The following GRAMD4 variants were observed in gnomAD, a reference collection of about 807,000 sequenced individuals.
GRAMD4 encodes GRAM domain containing 4.
GRAMD4 carries 25 observed loss-of-function variants against 83.9 expected under a neutral mutation model. The observed-to-expected ratio is 0.30, with a 90% CI of 0.22 to 0.42. GRAMD4 has a LOEUF of 0.42. GRAMD4 is among the 10% of genes least tolerant of loss of function. GRAMD4 has a pLI of 1.00. For missense variants in GRAMD4, 593 were observed against 788.7 expected (o/e 0.75, Z 2.97); for synonymous variants, 336 against 320.9 (o/e 1.05, Z -0.50).
Position 46,675,564 on chromosome 22 carries a change from TACCC to T in GRAMD4, c.1563+17_1563+20del. 1 of 1,541,292 alleles carries T rather than the reference TACCC, an allele frequency of 6.5e-7. No homozygotes were observed. Among genetic ancestry groups the T allele is most frequent in the Non-Finnish European group, 9.0e-7 (1 of 1,113,842 alleles). On this transcript the variant is annotated intron_variant, in intron 17 of 18. Transcript: ENST00000406902. ...CGGACATCCAGAAGGTTGGTGCACCTACCCACCCCCACTAACCCCCGTGTTTTCT... is the reference window on the plus strand; with the variant it reads ...CGGACATCCAGAAGGTTGGTGCACCTACCCCCACTAACCCCCGTGTTTTCT...
At chr22:46,606,766 C>T (rs1015325340) in intron 1 of GRAMD4, among the ~76,000 whole-genome samples, 1 of 152,260 alleles carries the variant, frequency 6.6e-6, no homozygotes, top group African/African-American at 2.4e-5. Flanking sequence ...ACTTATTGGC[C>T]GATTGGACGG....
At chr22:46,665,241 A>G (rs1289162257) in intron 8 of GRAMD4, among the ~76,000 whole-genome samples, 2 of 152,220 alleles carry the variant, frequency 1.3e-5, no homozygotes, top group Non-Finnish European at 2.9e-5. Flanking sequence ...GGCCCCGGGC[A>G]TGCACCTGGC....
intron 14 of GRAMD4, among the ~76,000 whole-genome samples, chr22:46,673,203 C>T (rs1324636572): frequency 1.3e-5 from 2 of 152,184 alleles, no homozygotes; most frequent in East Asian, 1.9e-4. Context: ...CCCAGGGCAA[C>T]ACCTGGGGAC....
At chr22:46,577,254 G>A (rs1290348442) in exon 1 of GRAMD4, 1 of 978,264 alleles carries the variant, frequency 1.0e-6, no homozygotes, top group Non-Finnish European at 1.2e-6. Context: ...GGGCGCCGCG[G>A]CGGGTGGATG....
rs371300070 is a variant in GRAMD4 at position 46,630,223 on chromosome 22, G to A, written c.162+3262G>A. Among the ~76,000 whole-genome samples, 7 of 152,022 alleles carry A rather than the reference G, an allele frequency of 4.6e-5. 1 individual carries two copies. The East Asian group carries it at 1.4e-3, about 29-fold the overall frequency. ...GTATTTTTATTAGAGACGGGGTTTC[G>A]CCGTGTTGCCCAGGCTGTTCTCGAA... On this transcript the variant is annotated intron_variant, in intron 2 of 18. Coordinates refer to ENST00000406902, the MANE Select transcript of GRAMD4 (RefSeq NM_015124.5).
chr22:46,579,747 G>C (rs12484675), intron 1 of GRAMD4, among the ~76,000 whole-genome samples: 37,725 of 152,062 alleles, frequency 0.25, 5,607 homozygotes, highest in East Asian at 0.66. Context: ...GAATCTACTG[G>C]GGTTTATTTG....
chr22:46,614,138 C>T (rs567040437), intron 1 of GRAMD4, among the ~76,000 whole-genome samples: 19 of 152,342 alleles, frequency 1.2e-4, no homozygotes, highest in African/African-American at 4.1e-4. Flanking sequence ...ATTGAATACT[C>T]GAACCCCATC....
upstream of GRAMD4, among the ~76,000 whole-genome samples, chr22:46,576,977 C>G (rs1390312175): frequency 2.8e-5 from 4 of 144,948 alleles, no homozygotes; most frequent in African/African-American, 9.9e-5. Context: ...CCCGCGGACC[C>G]CCGAGCCGGC....
rs1427270278 is a variant in GRAMD4, at chr22:46,672,491, G to A, written c.1085-352G>A. ...ATTGGGGCAGAGGAGGCACAGTCCT[G>A]AAGTGTTTCAGGTGGGTCAAGAACA... is the stretch of plus-strand genomic sequence containing the variant. On this transcript the variant is annotated intron_variant, in intron 13 of 18. Coordinates refer to ENST00000406902, the MANE Select transcript of GRAMD4 (RefSeq NM_015124.5). The surrounding 1 kb of genome is among the most constrained non-coding windows in gnomAD (Gnocchi z 4.7). Among the ~76,000 whole-genome samples the A allele has an allele frequency of 6.6e-6, 1 of 151,908 alleles. No homozygotes were observed. The highest frequency in any genetic ancestry group is 1.5e-5 in the Non-Finnish European group (1 of 67,970).
At chr22:46,658,584 G>A (rs951375634) in intron 4 of GRAMD4, among the ~76,000 whole-genome samples, 1 of 152,086 alleles carries the variant, frequency 6.6e-6, no homozygotes, top group Non-Finnish European at 1.5e-5. Flanking sequence ...CAGGCCTGGG[G>A]CCAGGCCAAC....
rs774477086 is a variant in GRAMD4, at chr22:46,677,491, C to G, written c.*240C>G. ...ACGTCAGGTGCCTCTGAGGGCCACC[C>G]GCAGACTGGGGGAGGGGGCAGAGGC... is the stretch of plus-strand genomic sequence containing the variant. On this transcript the variant is annotated 3_prime_UTR_variant, in exon 19 of 19. Transcript: ENST00000406902. 1 of 1,281,374 alleles carries G rather than the reference C, an allele frequency of 7.8e-7. No individual in the cohort carries two copies. The highest frequency in any genetic ancestry group is 9.9e-7 in the Non-Finnish European group (1 of 1,010,408). 79.4% of individuals were successfully genotyped at this position (1,281,374 alleles called of 1,614,324 possible). A position where few individuals can be genotyped will look rare whatever the true frequency, so the allele number is the denominator to read the frequency against.
intron 3 of GRAMD4, among the ~76,000 whole-genome samples, chr22:46,655,100 A>G (rs1471514390): frequency 6.6e-6 from 1 of 152,198 alleles, no homozygotes; most frequent in Non-Finnish European, 1.5e-5. Context: ...GGAGGGTGGA[A>G]GAGAAGCTTC....
Position 46,665,718 on chromosome 22 carries a change from G to T in GRAMD4, c.809+12G>T. 6.3e-6 allele frequency: 9 copies of T among 1,437,478 alleles called. No individual in the cohort carries two copies. Among genetic ancestry groups the T allele is most frequent in the Non-Finnish European group, 8.8e-6 (9 of 1,019,820 alleles). 89.0% of individuals were successfully genotyped at this position (1,437,478 alleles called of 1,614,324 possible). A position where few individuals can be genotyped will look rare whatever the true frequency, so the allele number is the denominator to read the frequency against. ...TACCTCATCGCCAGGTAGGTGAGCC[G>T]GTTTGTTGCAGCTGCTTTATCCCAC... On this transcript the variant is annotated intron_variant, in intron 9 of 18. Coordinates refer to ENST00000406902, the MANE Select transcript of GRAMD4 (RefSeq NM_015124.5).
In GRAMD4 at chr22:46,665,732, GCTT is replaced by G; in HGVS notation, c.809+27_809+29del. On this transcript the variant is annotated intron_variant, in intron 9 of 18. Coordinates refer to ENST00000406902, the MANE Select transcript of GRAMD4 (RefSeq NM_015124.5). Reference sequence around the variant, plus strand: ...GTAGGTGAGCCGGTTTGTTGCAGCTGCTTTATCCCACCGCATGTATGGCTGTGC... The same window carrying G: ...GTAGGTGAGCCGGTTTGTTGCAGCTGTATCCCACCGCATGTATGGCTGTGC... 2.5e-6 allele frequency: 3 copies of G among 1,210,580 alleles called. No homozygotes were observed. In the East Asian group the frequency reaches 7.0e-5, roughly 28 times the overall value. The allele number at this position is 1,210,580 out of a possible 1,614,324, so 75.0% of individuals were successfully genotyped here.
Position 46,664,219 on chromosome 22 carries a change from T to TGGCA in GRAMD4, c.717+103_717+106dup. ...CCCAGGGTGGGAGGTGGCCCCCAGGTGGCACTTCCTCAGGCCCCAGGGACA... is the reference window on the plus strand; with the variant it reads ...CCCAGGGTGGGAGGTGGCCCCCAGGTGGCAGGCACTTCCTCAGGCCCCAGGGACA... On this transcript the variant is annotated intron_variant, in intron 8 of 18. Transcript: ENST00000406902. 3.6e-6 allele frequency: 3 copies of TGGCA among 826,542 alleles called. No homozygotes were observed. The South Asian group carries it at 4.1e-5, about 11-fold the overall frequency. 51.2% of individuals were successfully genotyped at this position (826,542 alleles called of 1,614,324 possible).
chr22:46,674,812 C>T (rs1211853871), intron 16 of GRAMD4, 62 bp downstream of exon 16: 10 of 1,206,076 alleles, frequency 8.3e-6, no homozygotes, highest in Non-Finnish European at 1.2e-5. Context: ...GCTGCCTAGG[C>T]CCTGGGATGG....
intron 1 of GRAMD4, among the ~76,000 whole-genome samples, chr22:46,611,277 A>T (rs1465481041): frequency 5.3e-5 from 8 of 151,956 alleles, no homozygotes; most frequent in African/African-American, 1.9e-4. Context: ...CAGGGTCCCC[A>T]TTCAGGCTTC....
At chr22:46,626,495 A>G (rs1483022547) in intron 1 of GRAMD4, among the ~76,000 whole-genome samples, 1 of 152,164 alleles carries the variant, frequency 6.6e-6, no homozygotes, top group African/African-American at 2.4e-5. Flanking sequence ...TGGGGTGGCC[A>G]AGGGCCCCAC....
In GRAMD4 at chr22:46,664,073, T is replaced by G; in HGVS notation, c.673T>G (p.Leu225Val). Residue 225 changes from leucine (L) to valine (V), a missense_variant, in exon 8 of 19, where the codon TTA becomes GTA. By Grantham distance (32) the Leu-to-Val change is conservative. Around this residue, in one of 4 missense-constraint regions of GRAMD4, gnomAD observed 312 missense variants for 350.7 expected, o/e 0.89. Transcript: ENST00000406902. ...VTNFVKNLSALSDWYSVYTSA... is the reference protein window; with the variant it reads ...VTNFVKNLSAVSDWYSVYTSA... ...TAACTTTGTGAAGAACCTCTCTGCCTTATCCGACTGGTACTCCGTCTACAC... is the reference window on the plus strand; with the variant it reads ...TAACTTTGTGAAGAACCTCTCTGCCGTATCCGACTGGTACTCCGTCTACAC... 6.2e-7 allele frequency: 1 copy of G among 1,613,554 alleles called. No homozygotes were observed. Among genetic ancestry groups the G allele is most frequent in the Non-Finnish European group, 8.5e-7 (1 of 1,179,888 alleles).
Sources: allele counts gnomAD v4.1 joint callset (sites outside exome capture counted in the v4.1 genomes callset), GRCh38; gene constraint gnomAD v4.1.1; regional missense constraint gnomAD v4.1.1; non-coding constraint Gnocchi (gnomAD v3.1); transcripts MANE v1.5; gene names NCBI Gene and HGNC (gene_info 2026-07-23, HGNC 2026-07-21).